The following NWD2 variants were observed in gnomAD, a reference collection of about 807,000 sequenced individuals.
NWD2 encodes NACHT and WD repeat domain-containing protein 2.
A neutral mutation model predicts 132.7 loss-of-function variants in NWD2; 37 were observed. The ratio of observed to expected loss-of-function variants is 0.28; its 90% CI spans 0.21 to 0.37. The LOEUF is 0.37. Ranked by LOEUF, NWD2 falls within the 10% of genes least tolerant of loss-of-function variation. NWD2 has a pLI of 1.00. For missense variants in NWD2, 1,592 were observed against 2,122.4 expected (o/e 0.75, Z 4.91); for synonymous variants, 705 against 803.0 (o/e 0.88, Z 2.06).
intron 1 of NWD2, among the ~76,000 whole-genome samples, chr4:37,260,648 G>A (rs1717610967): frequency 1.3e-5 from 2 of 152,286 alleles, no homozygotes; most frequent in South Asian, 4.2e-4. Context: ...GTGAGGAATA[G>A]CTCCAGGATT....
intron 1 of NWD2, among the ~76,000 whole-genome samples, chr4:37,304,440 T>C (rs1190298069): frequency 7.2e-5 from 11 of 152,330 alleles, no homozygotes; most frequent in Non-Finnish European, 1.6e-4. Flanking sequence ...CCCCCAAGTC[T>C]TTATTCATTT....
chr4:37,377,891 T>G (rs545260927), intron 3 of NWD2, among the ~76,000 whole-genome samples: 9 of 152,176 alleles, frequency 5.9e-5, no homozygotes, highest in Non-Finnish European at 1.3e-4. Flanking sequence ...TTTAAAACAT[T>G]TTTTAAATGT....
intron 2 of NWD2, 100 bp from the exon 3 acceptor site, chr4:37,356,266 C>A (rs899317690): frequency 1.2e-5 from 7 of 579,590 alleles, no homozygotes; most frequent in African/African-American, 7.6e-5. Context: ...TAAGAGAAAA[C>A]ATGCTGCAAA....
At chr4:37,348,673 T>TACAC (rs1326646007) in intron 2 of NWD2, among the ~76,000 whole-genome samples, 228 of 28,178 alleles carry the variant, frequency 8.1e-3, no homozygotes, top group Non-Finnish European at 0.011. Flanking sequence ...TATATATATA[T>TACAC]ATACACACAC....
intron 1 of NWD2, among the ~76,000 whole-genome samples, chr4:37,289,068 C>T (rs984486330): frequency 2.0e-5 from 3 of 152,050 alleles, no homozygotes; most frequent in African/African-American, 7.2e-5. Context: ...ATATGGTTTA[C>T]ATCTAGTGTT....
At chr4:37,390,266 G>A (rs1037797785) in intron 3 of NWD2, among the ~76,000 whole-genome samples, 2 of 151,766 alleles carry the variant, frequency 1.3e-5, no homozygotes, top group African/African-American at 4.8e-5. Flanking sequence ...TTAAGTATAT[G>A]TACATATACA....
intron 2 of NWD2, among the ~76,000 whole-genome samples, chr4:37,335,302 G>T (rs1005292185): frequency 1.3e-3 from 16 of 12,650 alleles, no homozygotes; most frequent in Admixed American, 5.1e-3. Context: ...GGGGTGGGCG[G>T]GGGGGGGGGG....
At chr4:37,438,584 G>A (rs539979735) in intron 5 of NWD2, among the ~76,000 whole-genome samples, 2 of 152,284 alleles carry the variant, frequency 1.3e-5, no homozygotes, top group Non-Finnish European at 2.9e-5. Flanking sequence ...TAAACTTGGG[G>A]AGAAAATTAG....
intron 1 of NWD2, among the ~76,000 whole-genome samples, chr4:37,317,633 T>A (rs1173537483): frequency 1.3e-5 from 2 of 152,228 alleles, no homozygotes; most frequent in Non-Finnish European, 2.9e-5. Flanking sequence ...TGATTATTCA[T>A]GAATAATGAC....
At position 37,347,417 on chromosome 4, in the gene NWD2, T is replaced by A. The variant is rs935371059; in HGVS notation, c.241-8949T>A. 3.3e-5 allele frequency among the ~76,000 whole-genome samples: 5 copies of A among 152,270 alleles called. No individual in the cohort carries two copies. In the East Asian group the frequency reaches 9.6e-4, roughly 29 times the overall value. ...TGTAGGATATTTAAGTCTCCACACATCTACAACCATCTGATCTGTTTACAG... is the reference window on the plus strand; with the variant it reads ...TGTAGGATATTTAAGTCTCCACACAACTACAACCATCTGATCTGTTTACAG... On this transcript the variant is annotated intron_variant, in intron 2 of 6. Coordinates refer to ENST00000309447, the MANE Select transcript of NWD2 (RefSeq NM_001144990.2).
chr4:37,442,140 C>G (rs1424144739), intron 6 of NWD2, among the ~76,000 whole-genome samples: 1 of 152,168 alleles, frequency 6.6e-6, no homozygotes, highest in African/African-American at 2.4e-5. Flanking sequence ...CTCCATAAAT[C>G]TTTCTAATTT....
At chr4:37,304,714 G>A (rs991250756) in intron 1 of NWD2, among the ~76,000 whole-genome samples, 4 of 152,196 alleles carry the variant, frequency 2.6e-5, no homozygotes, top group African/African-American at 9.6e-5. Context: ...CCGATGCAAG[G>A]GGTGGACTCC....
intron 3 of NWD2, among the ~76,000 whole-genome samples, chr4:37,374,081 A>T (rs1720292816): frequency 6.6e-6 from 1 of 152,096 alleles, no homozygotes; most frequent in Admixed American, 6.6e-5. Flanking sequence ...AGTATTGGAG[A>T]TGGGGCCCAG....
At chr4:37,383,601 T>C (rs1248367906) in intron 3 of NWD2, among the ~76,000 whole-genome samples, 1 of 152,178 alleles carries the variant, frequency 6.6e-6, no homozygotes, top group Non-Finnish European at 1.5e-5. Context: ...AGAAAACACC[T>C]GCATGCCCCC....
rs1336823289 is a variant in NWD2 at position 37,446,250 on chromosome 4, C to G, written c.4262C>G (p.Ser1421Cys). 1 of 1,551,638 alleles carries G rather than the reference C, an allele frequency of 6.4e-7. No homozygotes were observed. The highest frequency in any genetic ancestry group is 8.7e-7 in the Non-Finnish European group (1 of 1,146,996). The change falls in exon 7 of 7, where the codon TCC (serine) becomes TGC (cysteine). Residue 1421 changes from serine to cysteine, a missense_variant. This residue lies in a region of NWD2 where 1,071 missense variants were observed against 1,398.0 expected (regional missense o/e 0.77). Coordinates refer to ENST00000309447, the MANE Select transcript of NWD2 (RefSeq NM_001144990.2). This position sits in a 1 kb window ranked among gnomAD's most constrained non-coding sequence, Gnocchi z 6.7. ...GTCTCGCTCTGTGAGGAAAATGCCTCCAGGGTTTGGAGGCTCGCCACAGGC... is the reference window on the plus strand; with the variant it reads ...GTCTCGCTCTGTGAGGAAAATGCCTGCAGGGTTTGGAGGCTCGCCACAGGC... ...FVVSLCEENA[S>C]RVWRLATGHR...
intron 3 of NWD2, among the ~76,000 whole-genome samples, chr4:37,369,205 G>A (rs1720166568): frequency 6.6e-6 from 1 of 151,928 alleles, no homozygotes; most frequent in South Asian, 2.1e-4. Context: ...GTAATTATTT[G>A]GTGAAATAAA....
chr4:37,410,417 A>G (rs1029619659), intron 3 of NWD2, among the ~76,000 whole-genome samples: 1 of 152,222 alleles, frequency 6.6e-6, no homozygotes, highest in Non-Finnish European at 1.5e-5. Flanking sequence ...CCATTACATA[A>G]TGGTAAAGGG....
intron 2 of NWD2, among the ~76,000 whole-genome samples, chr4:37,332,416 T>C (rs1719313041): frequency 6.6e-6 from 1 of 151,478 alleles, no homozygotes; most frequent in African/African-American, 2.4e-5. Flanking sequence ...CAGATGACAT[T>C]TTTATACATA....
intron 1 of NWD2, among the ~76,000 whole-genome samples, chr4:37,276,749 A>G (rs1044031764): frequency 2.6e-5 from 4 of 152,148 alleles, no homozygotes; most frequent in East Asian, 1.9e-4. Context: ...ATGTCCAACA[A>G]TGATAGATTG....
Sources: allele counts gnomAD v4.1 joint callset (sites outside exome capture counted in the v4.1 genomes callset), GRCh38; gene constraint gnomAD v4.1.1; regional missense constraint gnomAD v4.1.1; non-coding constraint Gnocchi (gnomAD v3.1); transcripts MANE v1.5; gene names NCBI Gene and HGNC (gene_info 2026-07-23, HGNC 2026-07-21).